ZNF804A: variants seen among roughly 807,000 people sequenced by gnomAD.
ZNF804A encodes zinc finger protein 804A.
Under a neutral mutation model 16.5 loss-of-function variants are expected in ZNF804A, and 2 were observed. The observed-to-expected ratio is 0.12, with a 90% CI of 0.05 to 0.38. The LOEUF is 0.38. Among genes scored for constraint, ZNF804A ranks in the 10% least tolerant of loss-of-function variants. The pLI is 0.99. For synonymous variants in ZNF804A, 534 were observed against 489.6 expected, an observed-to-expected ratio of 1.09 and a Z score of -1.20; for missense variants, 1,473 against 1,390.7, an observed-to-expected ratio of 1.06 and a Z score of -0.94.
intron 1 of ZNF804A, among the ~76,000 whole-genome samples, chr2:184,635,931 A>G (rs1354062088): frequency 6.6e-6 from 1 of 152,178 alleles, no homozygotes; most frequent in Non-Finnish European, 1.5e-5. Flanking sequence ...AAAACAAATA[A>G]CAGTTTGATT....
At chr2:184,704,670 T>G (rs1219670898) in intron 1 of ZNF804A, among the ~76,000 whole-genome samples, 1 of 152,164 alleles carries the variant, frequency 6.6e-6, no homozygotes, top group Non-Finnish European at 1.5e-5. Context: ...GAAGACAGAA[T>G]GGAAAGCCCA....
At chr2:184,617,609 T>C (rs973628888) in intron 1 of ZNF804A, among the ~76,000 whole-genome samples, 3 of 151,642 alleles carry the variant, frequency 2.0e-5, no homozygotes, top group African/African-American at 7.2e-5. Flanking sequence ...TTAAGTCATT[T>C]CTGGATATAT....
intron 1 of ZNF804A, among the ~76,000 whole-genome samples, chr2:184,790,048 AT>A (rs1179857590): frequency 6.6e-6 from 1 of 151,940 alleles, no homozygotes; most frequent in African/African-American, 2.4e-5. Flanking sequence ...CTTTTAAAAT[AT>A]TTTTTATTTC....
At chr2:184,771,608 A>G (rs1004726235) in intron 1 of ZNF804A, among the ~76,000 whole-genome samples, 2 of 151,902 alleles carry the variant, frequency 1.3e-5, no homozygotes, top group African/African-American at 4.8e-5. Flanking sequence ...TAAAAAAAAA[A>G]AAGAAGATGT....
At chr2:184,783,147 T>TG (rs1333617791) in intron 1 of ZNF804A, among the ~76,000 whole-genome samples, 45 of 128,870 alleles carry the variant, frequency 3.5e-4, no homozygotes, top group Non-Finnish European at 4.5e-4. Flanking sequence ...AGTTTTTTTT[T>TG]TTTTTTTTTT....
intron 1 of ZNF804A, among the ~76,000 whole-genome samples, chr2:184,860,613 G>A (rs185634803): frequency 4.5e-4 from 68 of 152,294 alleles, no homozygotes; most frequent in African/African-American, 1.3e-3. Flanking sequence ...GAAAGAGTCC[G>A]CAAGGATAGC....
At chr2:184,794,561 T>A (rs1431355707) in intron 1 of ZNF804A, among the ~76,000 whole-genome samples, 2 of 152,026 alleles carry the variant, frequency 1.3e-5, no homozygotes, top group Admixed American at 1.3e-4. Flanking sequence ...AATCTCATAG[T>A]ACCTATAGAA....
At chr2:184,792,471 T>C (rs1430339395) in intron 1 of ZNF804A, among the ~76,000 whole-genome samples, 2 of 152,168 alleles carry the variant, frequency 1.3e-5, no homozygotes, top group Non-Finnish European at 2.9e-5. Context: ...TTTTGTGAGG[T>C]GCCTGTTCAG....
rs1456224241 is a variant in ZNF804A, at chr2:184,930,915, A to G, written c.256-2688A>G. On this transcript the variant is annotated intron_variant, in intron 2 of 3. Transcript: ENST00000302277. Reference sequence around the variant, plus strand: ...ATAAAGACATACCAGAAACTGGGAAATTTATAAAGTAAAGAGGTTTGACTC... The same window carrying G: ...ATAAAGACATACCAGAAACTGGGAAGTTTATAAAGTAAAGAGGTTTGACTC... Among the ~76,000 whole-genome samples the G allele has an allele frequency of 2.0e-5, 3 of 152,326 alleles. No individual in the cohort carries two copies. The East Asian group carries it at 5.8e-4, about 29-fold the overall frequency.
At chr2:184,829,601 A>G (rs1695226472) in intron 1 of ZNF804A, among the ~76,000 whole-genome samples, 1 of 152,104 alleles carries the variant, frequency 6.6e-6, no homozygotes, top group Middle Eastern at 3.4e-3. Flanking sequence ...GAAAATCTAG[A>G]CTTATATTAT....
At chr2:184,743,557 C>T (rs1458480757) in intron 1 of ZNF804A, among the ~76,000 whole-genome samples, 2 of 151,796 alleles carry the variant, frequency 1.3e-5, no homozygotes, top group Admixed American at 6.6e-5. Flanking sequence ...GATAAAATCA[C>T]AGAAACAAAC....
In ZNF804A at chr2:184,935,860, TTGTTGTGGATTCAG is replaced by T; in HGVS notation, c.466_479del (p.Val156Ter). The T allele has an allele frequency of 6.2e-7, 1 of 1,613,646 alleles. No homozygotes were observed. The highest frequency in any genetic ancestry group is 8.5e-7 in the Non-Finnish European group (1 of 1,179,832). Reference sequence around the variant, plus strand: ...AACTGTAATGAAATTTCCCAACGAGTTGTTGTGGATTCAGTTAATAACCAGCAAGATTTCAAATA... The same window carrying T: ...AACTGTAATGAAATTTCCCAACGAGTTTAATAACCAGCAAGATTTCAAATA... On this transcript the variant is annotated frameshift_variant, in exon 4 of 4. Transcript: ENST00000302277. LOFTEE classifies it low-confidence loss of function (END_TRUNC).
At chr2:184,712,430 G>A (rs1693144929) in intron 1 of ZNF804A, among the ~76,000 whole-genome samples, 1 of 151,584 alleles carries the variant, frequency 6.6e-6, no homozygotes, top group Admixed American at 6.6e-5. Flanking sequence ...TACATGATGA[G>A]TTTATTTCGA....
intron 2 of ZNF804A, among the ~76,000 whole-genome samples, chr2:184,868,187 A>G (rs1057100470): frequency 1.3e-5 from 2 of 152,082 alleles, no homozygotes; most frequent in African/African-American, 4.8e-5. Flanking sequence ...CAATCAAAAT[A>G]CTCATAAACT....
chr2:184,627,727 T>C (rs1368573851), intron 1 of ZNF804A, among the ~76,000 whole-genome samples: 2 of 152,238 alleles, frequency 1.3e-5, no homozygotes, highest in East Asian at 3.9e-4. Flanking sequence ...TAATCATCCT[T>C]TAGATTGCAT....
At position 184,797,752 on chromosome 2, in the gene ZNF804A, AT is replaced by A. The variant is rs572069150; in HGVS notation, c.112-68611del. ...GCTATTTGTTTCCTGTGTACCTTGG[AT>A]TTTTTGCTCTTTGTTTTTGGGTTTT... On this transcript the variant is annotated intron_variant, in intron 1 of 3. Transcript: ENST00000302277. 2.0e-4 allele frequency among the ~76,000 whole-genome samples: 30 copies of A among 151,664 alleles called. 1 individual carries two copies. The highest frequency in any genetic ancestry group is 4.0e-4 in the Non-Finnish European group (27 of 67,870).
chr2:184,617,746 C>A (rs974909632), intron 1 of ZNF804A, among the ~76,000 whole-genome samples: 4 of 151,376 alleles, frequency 2.6e-5, no homozygotes, highest in African/African-American at 9.7e-5. Context: ...ATTCTAAACA[C>A]CTTTGATTAA....
chr2:184,856,086 A>G (rs990342850), intron 1 of ZNF804A, among the ~76,000 whole-genome samples: 1 of 152,100 alleles, frequency 6.6e-6, no homozygotes, highest in Non-Finnish European at 1.5e-5. Flanking sequence ...TTAATAGTGC[A>G]GAACAAGCTC....
intron 3 of ZNF804A, among the ~76,000 whole-genome samples, chr2:184,935,310 G>A (rs1044968310): frequency 4.6e-5 from 7 of 152,148 alleles, no homozygotes; most frequent in African/African-American, 1.7e-4. Context: ...CTTGGTGAAT[G>A]CTGGGTGAAT....
Sources: gnomAD v4.1 joint callset for allele counts (sites outside exome capture counted in the v4.1 genomes callset) on GRCh38, gnomAD v4.1.1 for gene constraint, MANE v1.5 for transcripts, NCBI Gene and HGNC (gene_info 2026-07-23, HGNC 2026-07-21) for gene names.